APTX: variants seen among roughly 807,000 people sequenced by gnomAD.
APTX encodes the protein forkhead-associated domain histidine triad-like protein.
Under a neutral mutation model 42.3 loss-of-function variants are expected in APTX, and 33 were observed. That is an observed-to-expected ratio of 0.78 (90% CI 0.59 to 1.04). The LOEUF (loss-of-function observed/expected upper bound fraction) is 1.04. APTX is among the 50% of genes least tolerant of loss of function. The pLI is 0.00. For synonymous variants in APTX, 130 were observed against 146.7 expected (o/e 0.89, Z 0.82); for missense variants, 421 against 415.1 (o/e 1.01, Z -0.12).
rs576983965 is a variant in APTX at position 33,001,612 on chromosome 9, T to C, written c.-50A>G. ...CAAATTCACGTTACTCATCTGTGCC[T>C]CACCGCTTCCGGCGCTGCGGGATGA... On this transcript the variant is annotated 5_prime_UTR_variant, in exon 1 of 8. Transcript: ENST00000379817. 91 of 1,613,894 alleles carry C rather than the reference T, an allele frequency of 5.6e-5. 3 individuals carry two copies. The South Asian group carries it at 9.3e-4, about 17-fold the overall frequency.
Position 32,987,983 on chromosome 9 carries a change from T to G in APTX, c.180+100A>C. On this transcript the variant is annotated intron_variant, in intron 3 of 7. Coordinates refer to ENST00000379817, the MANE Select transcript of APTX (RefSeq NM_001195248.2). ...CACCTATATTACTCCATCACTTCCA[T>G]ACATGACAGAGAAGCCTTCACTGGC... The G allele has an allele frequency of 4.6e-6, 7 of 1,508,912 alleles. No individual in the cohort carries two copies. In the South Asian group the frequency reaches 7.9e-5, roughly 17 times the overall value. The allele number at this position is 1,508,912 out of a possible 1,614,324, so 93.5% of individuals were successfully genotyped here.
chr9:32,981,834 A>G (rs573091977), intron 6 of APTX, among the ~76,000 whole-genome samples: 7 of 152,348 alleles, frequency 4.6e-5, no homozygotes, highest in South Asian at 2.1e-4. Flanking sequence ...ATTTCAACTA[A>G]TAAGTTAGGT....
chr9:32,989,038 T>C (rs1832899533), intron 2 of APTX, among the ~76,000 whole-genome samples: 2 of 152,164 alleles, frequency 1.3e-5, no homozygotes, highest in Admixed American at 6.5e-5. Context: ...GGGTGCCACA[T>C]ACATGCCCCT....
rs552443128 is a variant in APTX at position 33,021,526 on chromosome 9, T to C, written c.-5+3497A>G. Among the ~76,000 whole-genome samples the C allele has an allele frequency of 7.9e-5, 12 of 152,144 alleles. No homozygotes were observed. In the East Asian group the frequency reaches 1.7e-3, roughly 22 times the overall value. On this transcript the variant is annotated intron_variant, in intron 1 of 6. Transcript: ENST00000436040. ...CATGTATTTCAGTGGAAATTAAGTA[T>C]ACATTAAAAGTGGTGGCCAGGTGTG...
chr9:32,989,877 G>A lies in APTX; in HGVS notation c.15C>T (p.Cys5=). The A allele has an allele frequency of 6.2e-7, 1 of 1,614,068 alleles. No homozygotes were observed. Among genetic ancestry groups the A allele is most frequent in the Non-Finnish European group, 8.5e-7 (1 of 1,180,006 alleles). Reference sequence around the variant, plus strand: ...GCCGGCTGTCCTGTCTCACCAACCAGCACACCCGCATCATCACTCTAAGGG... The same window carrying A: ...GCCGGCTGTCCTGTCTCACCAACCAACACACCCGCATCATCACTCTAAGGG... The part of the protein sequence containing the change: MMRV[C]WLVRQDSRHQ... Residue 5 remains cysteine, a synonymous_variant, in exon 2 of 8, where the codon TGC becomes TGT. Transcript: ENST00000379817.
chr9:33,020,113 T>C, intron 1 of APTX: 1 of 377,728 alleles, frequency 2.6e-6, no homozygotes, highest in Non-Finnish European at 4.7e-6. Context: ...TCCGCCTGCG[T>C]CTGCATCCAC....
At chr9:32,985,218 A>T (rs1461849751) in intron 5 of APTX, among the ~76,000 whole-genome samples, 1 of 152,168 alleles carries the variant, frequency 6.6e-6, no homozygotes, top group Non-Finnish European at 1.5e-5. Flanking sequence ...AACATGGCAG[A>T]CTGTGTGACA....
At chr9:33,001,448 G>A (rs1455263703) in intron 1 of APTX, 119 bp downstream of exon 1, 1 of 1,567,462 alleles carries the variant, frequency 6.4e-7, no homozygotes, top group Admixed American at 1.8e-5. Flanking sequence ...CGTGAGAGCA[G>A]CGCATGAAAG....
At chr9:32,984,258 C>T (rs1440795704) in intron 6 of APTX, among the ~76,000 whole-genome samples, 1 of 152,184 alleles carries the variant, frequency 6.6e-6, no homozygotes, top group East Asian at 1.9e-4. Flanking sequence ...ATGTTTGTTT[C>T]CTTCAGAGTA....
At chr9:32,978,696 G>GT (rs1830015527) in intron 6 of APTX, among the ~76,000 whole-genome samples, 1 of 152,136 alleles carries the variant, frequency 6.6e-6, no homozygotes, top group Admixed American at 6.5e-5. Context: ...TTTAAATGAG[G>GT]TATCACCTGT....
chr9:33,019,868 T>C, intron 1 of APTX: 1 of 634,600 alleles, frequency 1.6e-6, no homozygotes, highest in East Asian at 3.1e-5. Context: ...CACCCTTTGG[T>C]GGGGTTCGGC....
At chr9:32,984,905 T>C (rs1831563155) in intron 5 of APTX, 48 bp from the exon 6 acceptor site, 2 of 1,522,308 alleles carry the variant, frequency 1.3e-6, no homozygotes, top group Admixed American at 3.3e-5. Context: ...CTAAGAATCT[T>C]CTGTGTGCCT....
chr9:32,979,397 T>C (rs887976679), intron 6 of APTX, among the ~76,000 whole-genome samples: 2 of 152,230 alleles, frequency 1.3e-5, no homozygotes, highest in African/African-American at 4.8e-5. Flanking sequence ...CTGTGTAGTA[T>C]TCCATGGTGT....
chr9:32,980,617 T>C (rs1381778471), intron 6 of APTX, among the ~76,000 whole-genome samples: 2 of 152,224 alleles, frequency 1.3e-5, no homozygotes, highest in Non-Finnish European at 2.9e-5. Context: ...GGGAGGAACA[T>C]GGAGAAACCA....
chr9:33,007,465 G>C (rs180791265), intron 1 of APTX, among the ~76,000 whole-genome samples: 1 of 152,314 alleles, frequency 6.6e-6, no homozygotes, highest in East Asian at 1.9e-4. Flanking sequence ...TACTGATGCA[G>C]TGCAAAGGAC....
At chr9:33,019,300 G>C (rs1838167775) in intron 1 of APTX, among the ~76,000 whole-genome samples, 1 of 151,982 alleles carries the variant, frequency 6.6e-6, no homozygotes, top group Non-Finnish European at 1.5e-5. Flanking sequence ...ATTGTACGTA[G>C]TCAGAAGAGA....
chr9:32,978,476 G>C (rs761819899), intron 6 of APTX, among the ~76,000 whole-genome samples: 35 of 152,142 alleles, frequency 2.3e-4, no homozygotes, highest in Non-Finnish European at 4.0e-4. Flanking sequence ...GCTTGCTTAG[G>C]GGGAGAATGA....
At chr9:32,996,807 G>A (rs1007392650) in intron 1 of APTX, among the ~76,000 whole-genome samples, 14 of 152,168 alleles carry the variant, frequency 9.2e-5, no homozygotes, top group Admixed American at 6.5e-4. Context: ...CACTGCCTAC[G>A]CATTCACAAA....
At chr9:33,007,792 GT>G (rs1048187516) in intron 1 of APTX, among the ~76,000 whole-genome samples, 1 of 151,616 alleles carries the variant, frequency 6.6e-6, no homozygotes, top group Non-Finnish European at 1.5e-5. Context: ...AGGTAAACAT[GT>G]TTTCTCACCC....
Sources: gnomAD v4.1 joint callset for allele counts (sites outside exome capture counted in the v4.1 genomes callset) on GRCh38, gnomAD v4.1.1 for gene constraint, MANE v1.5 for transcripts, NCBI Gene and HGNC (gene_info 2026-07-23, HGNC 2026-07-21) for gene names.